The following PPP2R3A variants were observed in gnomAD, a reference collection of about 807,000 sequenced individuals.
PPP2R3A encodes the protein protein phosphatase 2 regulatory subunit B''alpha, also known as serine/threonine-protein phosphatase 2A regulatory subunit B'' subunit alpha.
Under a neutral mutation model 106.9 loss-of-function variants are expected in PPP2R3A, and 80 were observed. The observed-to-expected ratio is 0.75, with a 90% CI of 0.62 to 0.90. The LOEUF (loss-of-function observed/expected upper bound fraction) is 0.90. PPP2R3A is among the 40% of genes least tolerant of loss of function. PPP2R3A has a pLI of 0.00. For missense variants in PPP2R3A, 1,386 were observed against 1,350.4 expected, an observed-to-expected ratio of 1.03 and a Z score of -0.41; for synonymous variants, 483 against 468.3, an observed-to-expected ratio of 1.03 and a Z score of -0.41.
At chr3:136,131,311 A>G (rs1938405914) in intron 13 of PPP2R3A, among the ~76,000 whole-genome samples, 1 of 152,204 alleles carries the variant, frequency 6.6e-6, no homozygotes, top group African/African-American at 2.4e-5. Context: ...AACTCAAACA[A>G]ATTTACAAGA....
At chr3:135,997,239 T>C (rs1425172544) in intron 1 of PPP2R3A, among the ~76,000 whole-genome samples, 1 of 152,240 alleles carries the variant, frequency 6.6e-6, no homozygotes, top group Admixed American at 6.5e-5. Context: ...TTGCACGTGA[T>C]AAGGATACCA....
intron 2 of PPP2R3A, among the ~76,000 whole-genome samples, chr3:136,010,662 G>C (rs998043225): frequency 6.6e-6 from 1 of 152,042 alleles, no homozygotes; most frequent in Non-Finnish European, 1.5e-5. Flanking sequence ...TCCTGAGCTT[G>C]TGATCCGCCC....
chr3:136,027,789 G>T (rs1934722141), intron 3 of PPP2R3A, among the ~76,000 whole-genome samples: 2 of 152,236 alleles, frequency 1.3e-5, no homozygotes, highest in Middle Eastern at 3.4e-3. Context: ...ATATTGAAGA[G>T]TCAGGTCACA....
chr3:135,996,671 G>A (rs1052771281), intron 1 of PPP2R3A, among the ~76,000 whole-genome samples: 18 of 152,000 alleles, frequency 1.2e-4, no homozygotes, highest in Admixed American at 9.2e-4. Context: ...TGGCCTTCAC[G>A]AGAAGCCCTA....
At position 136,001,479 on chromosome 3, in the gene PPP2R3A, C is replaced by A; in HGVS notation, c.-20C>A. 1 of 1,593,512 alleles carries A rather than the reference C, an allele frequency of 6.3e-7. No individual in the cohort carries two copies. The highest frequency in any genetic ancestry group is 8.6e-7 in the Non-Finnish European group (1 of 1,166,568). Reference sequence around the variant, plus strand: ...AGTTCTAGAAAGTTCCAAGTCCCACCAGTAAGTGGATTTGATATTATGGCA... The same window carrying A: ...AGTTCTAGAAAGTTCCAAGTCCCACAAGTAAGTGGATTTGATATTATGGCA... On this transcript the variant is annotated 5_prime_UTR_variant, in exon 2 of 14. Coordinates refer to ENST00000264977, the MANE Select transcript of PPP2R3A (RefSeq NM_002718.5).
chr3:136,110,674 G>T (rs1937579561), intron 13 of PPP2R3A, among the ~76,000 whole-genome samples: 1 of 152,172 alleles, frequency 6.6e-6, no homozygotes, highest in South Asian at 2.1e-4. Flanking sequence ...ATGTGGCTAT[G>T]TTCCAATAAA....
At chr3:136,108,363 G>C (rs1309982255) in intron 13 of PPP2R3A, among the ~76,000 whole-genome samples, 1 of 151,946 alleles carries the variant, frequency 6.6e-6, no homozygotes. Flanking sequence ...GTGTACTTCT[G>C]GACTTTAATT....
intron 1 of PPP2R3A, among the ~76,000 whole-genome samples, chr3:135,966,283 G>T (rs1245582288): frequency 5.9e-5 from 9 of 152,200 alleles, no homozygotes; most frequent in Admixed American, 5.9e-4. Flanking sequence ...GAGTCACGTC[G>T]TTAGGCGCTG....
At chr3:136,045,138 G>A (rs1359989350) in intron 4 of PPP2R3A, among the ~76,000 whole-genome samples, 1 of 152,168 alleles carries the variant, frequency 6.6e-6, no homozygotes, top group Non-Finnish European at 1.5e-5. Flanking sequence ...CTGTCCACCA[G>A]CCCCTCCCAG....
At chr3:136,105,157 A>C (rs1937483393) in intron 12 of PPP2R3A, among the ~76,000 whole-genome samples, 1 of 152,218 alleles carries the variant, frequency 6.6e-6, no homozygotes, top group Middle Eastern at 3.2e-3. Flanking sequence ...GGAAGCTATC[A>C]CAGACAGCGT....
chr3:136,026,729 C>A, intron 2 of PPP2R3A, 103 bp from the exon 3 acceptor site: 3 of 1,091,492 alleles, frequency 2.7e-6, no homozygotes, highest in African/African-American at 1.6e-5. Context: ...AGCCCTTAAT[C>A]TCTCCTGTCT....
intron 5 of PPP2R3A, among the ~76,000 whole-genome samples, chr3:136,067,173 G>GA (rs1304662086): frequency 2.0e-5 from 3 of 152,098 alleles, no homozygotes; most frequent in Non-Finnish European, 4.4e-5. Flanking sequence ...TGAAAATTCA[G>GA]AAAAATTAGT....
intron 5 of PPP2R3A, among the ~76,000 whole-genome samples, chr3:136,061,745 CCT>C (rs1184853714): frequency 6.6e-6 from 1 of 151,830 alleles, no homozygotes; most frequent in East Asian, 1.9e-4. Flanking sequence ...ACAGTGAAAC[CCT>C]GTCTCTACTA....
chr3:135,986,918 A>C (rs1197058061), intron 1 of PPP2R3A, among the ~76,000 whole-genome samples: 1 of 152,116 alleles, frequency 6.6e-6, no homozygotes, highest in Non-Finnish European at 1.5e-5. Context: ...AACTTATTTA[A>C]AGAGTTATTT....
chr3:136,049,960 A>G (rs1346225301), intron 5 of PPP2R3A, among the ~76,000 whole-genome samples: 1 of 152,204 alleles, frequency 6.6e-6, no homozygotes, highest in Non-Finnish European at 1.5e-5. Flanking sequence ...AAAACAGACT[A>G]CACCACCAGA....
intron 4 of PPP2R3A, among the ~76,000 whole-genome samples, chr3:136,042,892 A>G (rs533819766): frequency 6.6e-6 from 1 of 152,236 alleles, no homozygotes; most frequent in East Asian, 1.9e-4. Context: ...AAGTGTGGCT[A>G]TTTTGGGAGA....
chr3:136,009,221 C>G (rs1394709044), intron 2 of PPP2R3A, among the ~76,000 whole-genome samples: 1 of 152,130 alleles, frequency 6.6e-6, no homozygotes, highest in African/African-American at 2.4e-5. Flanking sequence ...TTCCCACCCC[C>G]TATCCCACTG....
At chr3:135,986,028 G>T (rs1485312765) in intron 1 of PPP2R3A, among the ~76,000 whole-genome samples, 1 of 152,136 alleles carries the variant, frequency 6.6e-6, no homozygotes, top group East Asian at 1.9e-4. Flanking sequence ...CAGGGAGAAT[G>T]ATCTGGAAGC....
At chr3:136,006,056 G>A (rs1272286782) in intron 2 of PPP2R3A, among the ~76,000 whole-genome samples, 2 of 152,202 alleles carry the variant, frequency 1.3e-5, no homozygotes, top group African/African-American at 2.4e-5. Context: ...CACCTCATGA[G>A]TGGGTTCCCC....
Sources: allele counts gnomAD v4.1 joint callset (sites outside exome capture counted in the v4.1 genomes callset), GRCh38; gene constraint gnomAD v4.1.1; transcripts MANE v1.5; gene names NCBI Gene and HGNC (gene_info 2026-07-23, HGNC 2026-07-21).